The following DPYD variants were observed in gnomAD, a reference collection of about 807,000 sequenced individuals.
The protein encoded by DPYD is dihydropyrimidine dehydrogenase.
Under a neutral mutation model 116.2 loss-of-function variants are expected in DPYD, and 109 were observed. That is an observed-to-expected ratio of 0.94 (90% confidence interval 0.80 to 1.10). The LOEUF is 1.10. Among genes scored for constraint, DPYD ranks in the 50% least tolerant of loss-of-function variants. The pLI is 0.00. For missense variants in DPYD, 1,302 were observed against 1,254.5 expected (o/e 1.04, Z -0.57); for synonymous variants, 440 against 432.0 (o/e 1.02, Z -0.23).
intron 3 of DPYD, among the ~76,000 whole-genome samples, chr1:97,777,583 C>T (rs1666484510): frequency 6.6e-6 from 1 of 152,150 alleles, no homozygotes; most frequent in African/African-American, 2.4e-5. Context: ...GAACACAGGT[C>T]TTCCCATTTC....
intron 8 of DPYD, among the ~76,000 whole-genome samples, chr1:97,613,207 T>G (rs2100752410): frequency 6.6e-6 from 1 of 152,130 alleles, no homozygotes; most frequent in African/African-American, 2.4e-5. Flanking sequence ...TAAATTTGTT[T>G]AAATCATATA....
At chr1:97,186,868 A>AT (rs1658028236) in intron 20 of DPYD, among the ~76,000 whole-genome samples, 2 of 152,158 alleles carry the variant, frequency 1.3e-5, no homozygotes, top group Admixed American at 1.3e-4. Context: ...ATAAAAATAA[A>AT]TTAAAAAAAT....
chr1:97,410,821 T>G (rs1673947600), intron 14 of DPYD, among the ~76,000 whole-genome samples: 1 of 152,192 alleles, frequency 6.6e-6, no homozygotes, highest in Non-Finnish European at 1.5e-5. Flanking sequence ...TTTAGCAAAT[T>G]ATGTTTCCTA....
chr1:97,471,590 T>C (rs1398993920), intron 13 of DPYD, among the ~76,000 whole-genome samples: 1 of 147,628 alleles, frequency 6.8e-6, no homozygotes, highest in African/African-American at 2.5e-5. Flanking sequence ...ATCGTCCCAC[T>C]TTCCTTTTTT....
intron 20 of DPYD, among the ~76,000 whole-genome samples, chr1:97,186,802 C>T (rs886121968): frequency 7.2e-5 from 11 of 152,048 alleles, no homozygotes; most frequent in South Asian, 2.1e-4. Context: ...GAGCCGAGAA[C>T]GTGCCACTGC....
intron 19 of DPYD, among the ~76,000 whole-genome samples, chr1:97,219,928 T>C (rs71656172): frequency 0.094 from 14,381 of 152,206 alleles, 900 homozygotes; most frequent in South Asian, 0.22. Context: ...CTGTTCAGTA[T>C]GTCTTGCCAT....
chr1:97,626,954 G>A (rs989671426), intron 8 of DPYD, among the ~76,000 whole-genome samples: 2 of 151,934 alleles, frequency 1.3e-5, no homozygotes, highest in Admixed American at 6.6e-5. Context: ...CATAGACTGC[G>A]TGACTTATAA....
intron 4 of DPYD, among the ~76,000 whole-genome samples, chr1:97,736,681 T>C (rs1014679061): frequency 2.0e-5 from 3 of 152,060 alleles, no homozygotes; most frequent in Non-Finnish European, 4.4e-5. Context: ...AACCAACCCA[T>C]AATACATAGG....
intron 16 of DPYD, among the ~76,000 whole-genome samples, chr1:97,356,585 A>G (rs1459958943): frequency 6.6e-6 from 1 of 152,194 alleles, no homozygotes; most frequent in Non-Finnish European, 1.5e-5. Flanking sequence ...AAAATTAAAA[A>G]ATCATTATCT....
At chr1:97,110,545 G>T (rs575967444) in intron 20 of DPYD, among the ~76,000 whole-genome samples, 1 of 152,124 alleles carries the variant, frequency 6.6e-6, no homozygotes, top group Admixed American at 6.5e-5. Flanking sequence ...ATATACTTTA[G>T]CGTCTGTCAT....
intron 7 of DPYD, among the ~76,000 whole-genome samples, chr1:97,686,167 A>G (rs1660715424): frequency 1.3e-5 from 2 of 151,990 alleles, no homozygotes; most frequent in Non-Finnish European, 2.9e-5. Flanking sequence ...GATCTCAGAA[A>G]TAAGACCACA....
intron 16 of DPYD, among the ~76,000 whole-genome samples, chr1:97,359,495 G>T (rs1670602602): frequency 6.6e-6 from 1 of 152,094 alleles, no homozygotes; most frequent in African/African-American, 2.4e-5. Flanking sequence ...GCAACTCCAA[G>T]ACACATAATT....
At chr1:97,424,295 T>C (rs1307958278) in intron 14 of DPYD, among the ~76,000 whole-genome samples, 3 of 152,048 alleles carry the variant, frequency 2.0e-5, no homozygotes, top group Non-Finnish European at 4.4e-5. Context: ...TTTGATAGGA[T>C]AGTTTATGCA....
chr1:97,513,876 C>G (rs1021072973), intron 13 of DPYD, among the ~76,000 whole-genome samples: 1 of 151,850 alleles, frequency 6.6e-6, no homozygotes. Flanking sequence ...ACGGACTACT[C>G]TGCAAAATCA....
chr1:97,860,284 C>T (rs1671053051), intron 2 of DPYD, among the ~76,000 whole-genome samples: 1 of 152,094 alleles, frequency 6.6e-6, no homozygotes, highest in African/African-American at 2.4e-5. Context: ...AAGACCCTGT[C>T]TCTACACAGA....
intron 1 of DPYD, chr1:97,883,939 G>A: frequency 2.4e-6 from 1 of 424,266 alleles, no homozygotes; most frequent in Non-Finnish European, 4.5e-6. Flanking sequence ...CCAAAAAAAA[G>A]TTCAGTATGG....
At chr1:97,469,397 CAAAAAAAAAAAAAAAA>C (rs59090402) in intron 13 of DPYD, among the ~76,000 whole-genome samples, 1 of 80,800 alleles carries the variant, frequency 1.2e-5, no homozygotes. Context: ...GCTAAAATTG[CAAAAAAAAAAAAAAAA>C]AAAAAAAAAA....
chr1:97,729,287 G>A (rs1039087852), intron 4 of DPYD, among the ~76,000 whole-genome samples: 2 of 152,052 alleles, frequency 1.3e-5, no homozygotes, highest in Non-Finnish European at 2.9e-5. Context: ...CAAGCAATAT[G>A]ACTGGGGAAA....
chr1:97,547,045 G>A, intron 12 of DPYD: 4 of 1,183,938 alleles, frequency 3.4e-6, no homozygotes, highest in Middle Eastern at 2.7e-4. Context: ...ACCAGAAACA[G>A]TACAGAACTG....
Sources: gnomAD v4.1 joint callset for allele counts (sites outside exome capture counted in the v4.1 genomes callset) on GRCh38, gnomAD v4.1.1 for gene constraint, MANE v1.5 for transcripts, NCBI Gene and HGNC (gene_info 2026-07-23, HGNC 2026-07-21) for gene names.